Variants in NBPF11 observed in about 807,000 individuals in gnomAD.
The protein encoded by NBPF11 is NBPF member 11, also known as NBPF family member NBPF11.
Under a neutral mutation model 93.9 loss-of-function variants are expected in NBPF11, and 72 were observed. That is an observed-to-expected ratio of 0.77 (90% CI 0.63 to 0.93). The LOEUF (loss-of-function observed/expected upper bound fraction) is 0.93. Among genes scored for constraint, NBPF11 ranks in the 40% least tolerant of loss-of-function variants. The pLI is 0.00. For missense variants in NBPF11, 705 were observed against 802.2 expected, an observed-to-expected ratio of 0.88 and a Z score of 1.46; for synonymous variants, 224 against 304.9, an observed-to-expected ratio of 0.73 and a Z score of 2.76.
At chr1:148,121,024 T>G (rs1667698527) in intron 9 of NBPF11, among the ~76,000 whole-genome samples, 1 of 152,000 alleles carries the variant, frequency 6.6e-6, no homozygotes. Context: ...CATTTTGCTT[T>G]TTAAATTTTT....
At chr1:148,146,673 C>A in intron 1 of NBPF11, 1 of 1,611,780 alleles carries the variant, frequency 6.2e-7, no homozygotes, top group South Asian at 1.1e-5. Flanking sequence ...CCACCAAGAG[C>A]GCCCGCGGCA....
At position 148,108,509 on chromosome 1, in the gene NBPF11, G is replaced by A. The variant is rs782292042; in HGVS notation, c.1999C>T (p.Arg667Cys). The change falls in exon 18 of 24, where the codon CGT (arginine) becomes TGT (cysteine). Residue 667 changes from arginine to cysteine, a missense_variant. Physicochemically the swap from Arg to Cys is radical, Grantham distance 180 (BLOSUM62 -3). Around this residue, in one of 12 missense-constraint regions of NBPF11, gnomAD observed 97 missense variants for 65.0 expected, o/e 1.49. Transcript: ENST00000682118. ...RSAFYVLEQQRIGLAVDMDEI... is the reference protein window; with the variant it reads ...RSAFYVLEQQCIGLAVDMDEI... ...TCCATGTCAACAGCCAAGCCAATAC[G>A]CTGTTGCTCCAATACGTAAAAGGCA... is the stretch of plus-strand genomic sequence containing the variant. 211 of 1,593,404 alleles carry A rather than the reference G, an allele frequency of 1.3e-4. No individual in the cohort carries two copies. Among genetic ancestry groups the A allele is most frequent in the Non-Finnish European group, 1.7e-4 (202 of 1,164,348 alleles).
At position 148,122,043 on chromosome 1, in the gene NBPF11, A is replaced by C. The variant is rs1667995713; in HGVS notation, c.778+12T>G. On this transcript the variant is annotated intron_variant, in intron 9 of 23. Transcript: ENST00000682118. ...AGACAGAGGTATGAGACACAAGGAAAATAGAGGCTACCTGGGAGAATGTTT... is the reference window on the plus strand; with the variant it reads ...AGACAGAGGTATGAGACACAAGGAACATAGAGGCTACCTGGGAGAATGTTT... The C allele has an allele frequency of 7.5e-6, 12 of 1,589,990 alleles. No homozygotes were observed. The highest frequency in any genetic ancestry group is 3.4e-4 in the Middle Eastern group (2 of 5,948).
In NBPF11 at chr1:148,127,009, C is replaced by A; in HGVS notation, c.-6G>T. ...GGGCCGGCTGATACCACCATGCTGA[C>A]GTTTGTGGCAGAAGAGGTGGAGTCA... On this transcript the variant is annotated 5_prime_UTR_variant, in exon 5 of 24. Coordinates refer to ENST00000682118, the MANE Select transcript of NBPF11 (RefSeq NM_001385469.3). 2 of 687,532 alleles carry A rather than the reference C, an allele frequency of 2.9e-6. No individual in the cohort carries two copies. Among genetic ancestry groups the A allele is most frequent in the East Asian group, 2.6e-5 (1 of 38,602 alleles). The allele number at this position is 687,532 out of a possible 1,614,324, so 42.6% of individuals were successfully genotyped here. A position where few individuals can be genotyped will look rare whatever the true frequency, so the allele number is the denominator to read the frequency against.
intron 17 of NBPF11, 70 bp from the exon 18 acceptor site, chr1:148,108,724 C>T: frequency 1.3e-6 from 1 of 790,404 alleles, no homozygotes; most frequent in Non-Finnish European, 2.3e-6. Context: ...AGCTAGATTT[C>T]ATGGCTAACA....
intron 1 of NBPF11, 164 bp downstream of exon 1, chr1:148,151,586 G>A (rs1639650200): frequency 6.6e-6 from 1 of 151,978 alleles, no homozygotes; most frequent in Non-Finnish European, 1.5e-5. Context: ...CAAGCGCAGG[G>A]AACTTAGGCC....
At chr1:148,126,215 A>G (rs1265620714) in intron 5 of NBPF11, among the ~76,000 whole-genome samples, 11 of 151,826 alleles carry the variant, frequency 7.2e-5, no homozygotes, top group Admixed American at 3.9e-4. Flanking sequence ...TGCCCAGGCT[A>G]GTCTCAAACT....
chr1:148,149,629 C>T (rs1192947887), intron 1 of NBPF11: 2 of 1,475,662 alleles, frequency 1.4e-6, no homozygotes, highest in Non-Finnish European at 1.8e-6. Context: ...CCCGCGCCGG[C>T]CCCCACCCAG....
intron 9 of NBPF11, among the ~76,000 whole-genome samples, chr1:148,121,288 C>T (rs1240454611): frequency 2.9e-3 from 445 of 151,596 alleles, no homozygotes; most frequent in Non-Finnish European, 5.2e-3. Flanking sequence ...AGGTGTTCCG[C>T]CCACCTTGGC....
In NBPF11 at chr1:148,151,809, T is replaced by C. The variant is rs1221997454; in HGVS notation, c.-608A>G. The C allele has an allele frequency of 6.6e-6, 1 of 152,114 alleles. No individual in the cohort carries two copies. The highest frequency in any genetic ancestry group is 1.9e-4 in the East Asian group (1 of 5,188). The allele number at this position is 152,114 out of a possible 1,614,324, so 9.4% of individuals were successfully genotyped here. Reference sequence around the variant, plus strand: ...GAACTTCCCATCCAGGCTGCAGCCGTGCCGCCGTACCTCGGCCCCGCTCCT... The same window carrying C: ...GAACTTCCCATCCAGGCTGCAGCCGCGCCGCCGTACCTCGGCCCCGCTCCT... On this transcript the variant is annotated 5_prime_UTR_variant, in exon 1 of 24. Coordinates refer to ENST00000682118, the MANE Select transcript of NBPF11 (RefSeq NM_001385469.3).
At chr1:148,121,808 A>G (rs1667936935) in intron 9 of NBPF11, among the ~76,000 whole-genome samples, 1 of 151,898 alleles carries the variant, frequency 6.6e-6, no homozygotes, top group East Asian at 1.9e-4. Context: ...TGCCTGCCTA[A>G]TTTTTTGTAT....
At chr1:148,146,429 T>C in intron 1 of NBPF11, 2 of 1,603,940 alleles carry the variant, frequency 1.2e-6, no homozygotes, top group East Asian at 2.2e-5. Flanking sequence ...CTCTGCTGCC[T>C]CTTCTGCTGC....
At chr1:148,145,716 T>G (rs2149303805) in intron 1 of NBPF11, among the ~76,000 whole-genome samples, 1 of 151,204 alleles carries the variant, frequency 6.6e-6, no homozygotes, top group East Asian at 2.0e-4. Flanking sequence ...CCATGTCTAG[T>G]AAAAATACAA....
At chr1:148,109,444 A>G (rs868955357) in intron 16 of NBPF11, 109 bp from the exon 17 acceptor site, 125,127 of 761,830 alleles carry the variant, frequency 0.16, 16,657 homozygotes, top group African/African-American at 0.37. Flanking sequence ...GTCAGTGTGA[A>G]AACAGGAGAC....
In NBPF11 at chr1:148,105,509, C is replaced by T. The variant is rs1208635190; in HGVS notation, c.2323G>A (p.Glu775Lys). 14 of 959,444 alleles carry T rather than the reference C, an allele frequency of 1.5e-5. 1 individual carries two copies. The highest frequency in any genetic ancestry group is 2.1e-5 in the Non-Finnish European group (13 of 621,870). The allele number at this position is 959,444 out of a possible 1,614,324, so 59.4% of individuals were successfully genotyped here. A position where few individuals can be genotyped will look rare whatever the true frequency, so the allele number is the denominator to read the frequency against. Residue 775 changes from glutamate to lysine, a missense_variant, in exon 22 of 24, where the codon GAG becomes AAG. Physicochemically the swap from Glu to Lys is moderately conservative, Grantham distance 56. Coordinates refer to ENST00000682118, the MANE Select transcript of NBPF11 (RefSeq NM_001385469.3). ...PCPRLSRELL[E>K]VVEPEVLQDS... ...TGCAAGACTTCAGGCTCTACTACCTCCAGCAGCTCCCTGCTGAGCCTGGAA... is the reference window on the plus strand; with the variant it reads ...TGCAAGACTTCAGGCTCTACTACCTTCAGCAGCTCCCTGCTGAGCCTGGAA...
chr1:148,111,282 C>G (rs1363030641), intron 15 of NBPF11, among the ~76,000 whole-genome samples: 3 of 152,010 alleles, frequency 2.0e-5, no homozygotes, highest in Non-Finnish European at 4.4e-5. Flanking sequence ...TAGATAAAAC[C>G]ACAAAGGTGG....
rs1367661791 is a variant in NBPF11 at position 148,138,972 on chromosome 1, T to A, written c.-276-1163A>T. ...CAGGTGTGGTGGCAGGCGCCTGTAA[T>A]CCCAGCTATTCAGGAGGCTGAGGCA... On this transcript the variant is annotated intron_variant, in intron 2 of 23. Coordinates refer to ENST00000682118, the MANE Select transcript of NBPF11 (RefSeq NM_001385469.3). Among the ~76,000 whole-genome samples the A allele has an allele frequency of 9.4e-4, 142 of 151,220 alleles. 4 individuals carry two copies. The highest frequency in any genetic ancestry group is 2.2e-3 in the African/African-American group (89 of 40,708).
chr1:148,113,151 C>T (rs1448394396), intron 15 of NBPF11, among the ~76,000 whole-genome samples: 8 of 152,010 alleles, frequency 5.3e-5, no homozygotes, highest in African/African-American at 1.2e-4. Context: ...GGCTAAATGC[C>T]CCAGTTAAAA....
At chr1:148,120,437 G>C in intron 10 of NBPF11, 64 bp downstream of exon 10, 1 of 812,834 alleles carries the variant, frequency 1.2e-6, no homozygotes, top group Non-Finnish European at 2.2e-6. Flanking sequence ...AGAGCACTTA[G>C]TTTCTCAGAG....
Sources: gnomAD v4.1 joint callset for allele counts (sites outside exome capture counted in the v4.1 genomes callset) on GRCh38, gnomAD v4.1.1 for gene constraint, gnomAD v4.1.1 regional missense constraint, MANE v1.5 for transcripts, NCBI Gene and HGNC (gene_info 2026-07-23, HGNC 2026-07-21) for gene names.